Variants in CACNA2D4 observed in about 807,000 individuals in gnomAD.
CACNA2D4 encodes calcium voltage-gated channel auxiliary subunit alpha2delta 4, also known as voltage-dependent calcium channel subunit alpha-2/delta-4.
A neutral mutation model predicts 163.8 loss-of-function variants in CACNA2D4; 157 were observed. That is an observed-to-expected ratio of 0.96 (90% confidence interval 0.84 to 1.09). The LOEUF is 1.09. CACNA2D4 is among the 50% of genes least tolerant of loss of function. The pLI is 0.00. For synonymous variants in CACNA2D4, 598 were observed against 586.9 expected, an observed-to-expected ratio of 1.02 and a Z score of -0.27; for missense variants, 1,410 against 1,479.9, an observed-to-expected ratio of 0.95 and a Z score of 0.78.
rs759276999 is a variant in CACNA2D4 at position 1,844,476 on chromosome 12, G to A, written c.2396C>T (p.Pro799Leu). The A allele has an allele frequency of 1.4e-5, 22 of 1,613,378 alleles. No homozygotes were observed. The highest frequency in any genetic ancestry group is 1.6e-5 in the Non-Finnish European group (19 of 1,179,774). Residue 799 changes from proline (P) to leucine (L), a missense_variant, in exon 25 of 38, where the codon CCG becomes CTG. Physicochemically the swap from Pro to Leu is moderately conservative, Grantham distance 98. Transcript: ENST00000382722. The surrounding 1 kb of genome is among the most constrained non-coding windows in gnomAD (Gnocchi z 4.2). ...CTCTGAGGCCTGGCGGTACCACAGC[G>A]GGAAGCGGTCCAGGGTGAACACGCT... ...EASVFTLDRF[P>L]LWYRQASEHP...
rs554446279 is a variant in CACNA2D4 at position 1,833,944 on chromosome 12, T to C, written c.2551+6795A>G. ...CCCATGTTAGCACTGCCTTACTCTGTGGGTCCGTTTGGCCTGGGAGAGGAC... is the reference window on the plus strand; with the variant it reads ...CCCATGTTAGCACTGCCTTACTCTGCGGGTCCGTTTGGCCTGGGAGAGGAC... On this transcript the variant is annotated intron_variant, in intron 26 of 37. Transcript: ENST00000382722. This position sits in a 1 kb window ranked among gnomAD's most constrained non-coding sequence, Gnocchi z 4.2. 2.0e-4 allele frequency among the ~76,000 whole-genome samples: 30 copies of C among 152,308 alleles called. No individual in the cohort carries two copies. The highest frequency in any genetic ancestry group is 6.8e-3 in the Middle Eastern group (2 of 294).
chr12:1,882,016 T>C (rs1417140010), intron 13 of CACNA2D4, among the ~76,000 whole-genome samples: 3 of 152,260 alleles, frequency 2.0e-5, no homozygotes, highest in Non-Finnish European at 4.4e-5. Context: ...TTCTGGGTTC[T>C]GGCAAGAGTC....
At chr12:1,871,832 G>A (rs1053055127) in intron 18 of CACNA2D4, among the ~76,000 whole-genome samples, 1 of 152,354 alleles carries the variant, frequency 6.6e-6, no homozygotes, top group South Asian at 2.1e-4. Context: ...GAAGAACCCA[G>A]AGGCTAGGAA....
chr12:1,816,701 G>A (rs1040824655), intron 26 of CACNA2D4, among the ~76,000 whole-genome samples: 2 of 152,242 alleles, frequency 1.3e-5, no homozygotes, highest in African/African-American at 4.8e-5. Flanking sequence ...TCACCTCGGT[G>A]CTGCTGTGTC....
chr12:1,848,782 T>TTATTATTAC (rs1437578585), intron 23 of CACNA2D4, among the ~76,000 whole-genome samples: 1 of 150,848 alleles, frequency 6.6e-6, no homozygotes, highest in African/African-American at 2.4e-5. Flanking sequence ...ATTATTATTA[T>TTATTATTAC]TTTTATTTAA....
intron 18 of CACNA2D4, among the ~76,000 whole-genome samples, chr12:1,870,080 T>C (rs529144080): frequency 3.5e-4 from 53 of 152,322 alleles, no homozygotes; most frequent in African/African-American, 1.3e-3. Flanking sequence ...GCGAATCTCT[T>C]GGTCGTGGGA....
chr12:1,819,911 C>T (rs370079003), intron 26 of CACNA2D4, among the ~76,000 whole-genome samples: 1 of 152,246 alleles, frequency 6.6e-6, no homozygotes, highest in African/African-American at 2.4e-5. Flanking sequence ...GTAGTCCTGG[C>T]GTCGGGTGGT....
chr12:1,839,779 AG>A lies in CACNA2D4; in HGVS notation c.2551+959del, dbSNP rs1402035802. On this transcript the variant is annotated intron_variant, in intron 26 of 37. Coordinates refer to ENST00000382722, the MANE Select transcript of CACNA2D4 (RefSeq NM_172364.5). ...ACCCCAAGGCAATAGGAGACGGAGC[AG>A]GTAAGGGAATGGCACAGGAATCAGC... Among the ~76,000 whole-genome samples, 91 of 151,994 alleles carry A rather than the reference AG, an allele frequency of 6.0e-4. 3 individuals carry two copies. Among genetic ancestry groups the A allele is most frequent in the Admixed American group, 5.1e-3 (78 of 15,268 alleles).
chr12:1,844,059 C>T lies in CACNA2D4; in HGVS notation c.2470+343G>A, dbSNP rs1865089025. Among the ~76,000 whole-genome samples, 1 of 152,190 alleles carries T rather than the reference C, an allele frequency of 6.6e-6. No individual in the cohort carries two copies. The highest frequency in any genetic ancestry group is 1.5e-5 in the Non-Finnish European group (1 of 68,036). ...GGGTGGTTTATGAAGCTTTCACAGA[C>T]ATGCAGGATAAATAGAAGAATCTTA... On this transcript the variant is annotated intron_variant, in intron 25 of 37. Transcript: ENST00000382722. The surrounding 1 kb of genome is among the most constrained non-coding windows in gnomAD (Gnocchi z 4.2).
intron 18 of CACNA2D4, among the ~76,000 whole-genome samples, chr12:1,861,514 C>T (rs113685014): frequency 6.6e-6 from 1 of 151,626 alleles, no homozygotes; most frequent in Non-Finnish European, 1.5e-5. Context: ...GTGATCTTGA[C>T]TCATTGCAAC....
chr12:1,839,215 G>A (rs901487852), intron 26 of CACNA2D4, among the ~76,000 whole-genome samples: 1 of 152,198 alleles, frequency 6.6e-6, no homozygotes, highest in Non-Finnish European at 1.5e-5. Context: ...CCAGGGCCTC[G>A]GTTACAAGGC....
At chr12:1,882,343 G>C (rs1054134099) in intron 13 of CACNA2D4, among the ~76,000 whole-genome samples, 1 of 152,228 alleles carries the variant, frequency 6.6e-6, no homozygotes, top group African/African-American at 2.4e-5. Flanking sequence ...CCTATGTGAT[G>C]GGGATTTGAG....
At chr12:1,863,908 A>AT (rs531809123) in intron 18 of CACNA2D4, among the ~76,000 whole-genome samples, 7,513 of 152,030 alleles carry the variant, frequency 0.049, 244 homozygotes, top group Non-Finnish European at 0.062. Context: ...AAAAAAAAAA[A>AT]AATAATAACA....
rs1300850744 is a variant in CACNA2D4 at position 1,829,760 on chromosome 12, G to GGGTC, written c.2551+10975_2551+10978dup. Among the ~76,000 whole-genome samples the GGGTC allele has an allele frequency of 6.6e-6, 1 of 150,694 alleles. No homozygotes were observed. The highest frequency in any genetic ancestry group is 1.5e-5 in the Non-Finnish European group (1 of 67,628). ...AGGGTGGGCCGATGGGCTGTGAGCT[G>GGGTC]GGTCTGAACTTCTCCATCAGTTCTC... is the stretch of plus-strand genomic sequence containing the variant. On this transcript the variant is annotated intron_variant, in intron 26 of 37. Transcript: ENST00000382722. The surrounding 1 kb of genome is among the most constrained non-coding windows in gnomAD (Gnocchi z 4.2).
At chr12:1,795,955 A>G (rs531017795) in intron 35 of CACNA2D4, 175 bp from the exon 36 acceptor site, 3 of 610,008 alleles carry the variant, frequency 4.9e-6, no homozygotes, top group African/African-American at 1.8e-5. Flanking sequence ...GCTCAGTCCT[A>G]CTGGCTTTGC....
intron 26 of CACNA2D4, among the ~76,000 whole-genome samples, chr12:1,819,444 C>T (rs1160841085): frequency 1.3e-5 from 2 of 152,154 alleles, no homozygotes; most frequent in African/African-American, 4.8e-5. Flanking sequence ...GGTTCTTCTA[C>T]ACCCACCCCA....
At position 1,799,494 on chromosome 12, in the gene CACNA2D4, G is replaced by A. The variant is rs962439280; in HGVS notation, c.2995+181C>T. Among the ~76,000 whole-genome samples the A allele has an allele frequency of 6.6e-6, 1 of 152,194 alleles. No individual in the cohort carries two copies. Among genetic ancestry groups the A allele is most frequent in the African/African-American group, 2.4e-5 (1 of 41,446 alleles). The stretch of plus-strand genomic sequence containing the variant: ...CCCTGGGGCCTGACCGTCCTCATGT[G>A]GGATGAGAACTGGGCTAGACTCCCC... On this transcript the variant is annotated intron_variant, in intron 34 of 37. Coordinates refer to ENST00000382722, the MANE Select transcript of CACNA2D4 (RefSeq NM_172364.5). This position sits in a 1 kb window ranked among gnomAD's most constrained non-coding sequence, Gnocchi z 4.7.
chr12:1,794,684 T>A (rs1279547682), intron 37 of CACNA2D4, among the ~76,000 whole-genome samples: 1 of 152,200 alleles, frequency 6.6e-6, no homozygotes, highest in Non-Finnish European at 1.5e-5. Flanking sequence ...AAGAGACACG[T>A]AGGCCAAGGC....
Position 1,913,375 on chromosome 12 carries a change from A to G in CACNA2D4, c.310-236T>C, listed in dbSNP as rs115817398. On this transcript the variant is annotated intron_variant, in intron 2 of 37. Coordinates refer to ENST00000382722, the MANE Select transcript of CACNA2D4 (RefSeq NM_172364.5). ...GGTGCTCTAGACGCATTGCAGTTAT[A>G]GCCTTAACAGGGGAGTAGACCGAGG... Among the ~76,000 whole-genome samples the G allele has an allele frequency of 2.5e-3, 387 of 152,304 alleles. 4 individuals are homozygous for G. The highest frequency in any genetic ancestry group is 8.9e-3 in the African/African-American group (371 of 41,568).
Sources: gnomAD v4.1 joint callset for allele counts (sites outside exome capture counted in the v4.1 genomes callset) on GRCh38, gnomAD v4.1.1 for gene constraint, Gnocchi (gnomAD v3.1) non-coding constraint, MANE v1.5 for transcripts, NCBI Gene and HGNC (gene_info 2026-07-23, HGNC 2026-07-21) for gene names.